Variants in TGFBR3 observed in about 807,000 individuals in gnomAD.
TGFBR3 encodes the protein transforming growth factor beta receptor type 3.
A neutral mutation model predicts 87.9 loss-of-function variants in TGFBR3; 46 were observed. The observed-to-expected ratio is 0.52, with a 90% CI of 0.41 to 0.67. The LOEUF (loss-of-function observed/expected upper bound fraction) is 0.67, where lower values mean the gene tolerates loss of function less well. TGFBR3 is among the 30% of genes least tolerant of loss of function. The pLI, the probability that TGFBR3 is intolerant of heterozygous loss-of-function variation, is 0.00. For missense variants in TGFBR3, 866 were observed against 1,041.9 expected (o/e 0.83, Z 2.32); for synonymous variants, 381 against 391.6 (o/e 0.97, Z 0.32).
intron 4 of TGFBR3, among the ~76,000 whole-genome samples, chr1:91,755,653 T>C (rs1673714695): frequency 6.6e-6 from 1 of 152,182 alleles, no homozygotes; most frequent in Non-Finnish European, 1.5e-5. Flanking sequence ...CCTTCTTTCA[T>C]TGTTAGTGTC....
chr1:91,773,608 G>C (rs1674464104), intron 3 of TGFBR3, among the ~76,000 whole-genome samples: 1 of 152,222 alleles, frequency 6.6e-6, no homozygotes, highest in Non-Finnish European at 1.5e-5. Context: ...CATGAATGCA[G>C]GAGGCAGAGG....
chr1:91,717,278 T>C (rs1023618505), intron 10 of TGFBR3, among the ~76,000 whole-genome samples: 5 of 152,220 alleles, frequency 3.3e-5, no homozygotes, highest in Admixed American at 1.3e-4. Flanking sequence ...GGACCTAATG[T>C]TTACTATGGA....
intron 2 of TGFBR3, among the ~76,000 whole-genome samples, chr1:91,825,298 T>C (rs1327429131): frequency 1.3e-5 from 2 of 152,238 alleles, no homozygotes; most frequent in African/African-American, 2.4e-5. Context: ...AAAATATTAC[T>C]TGGCCATAAA....
At chr1:91,758,792 T>C in intron 3 of TGFBR3, 42 bp from the exon 4 acceptor site, 1 of 1,613,142 alleles carries the variant, frequency 6.2e-7, no homozygotes, top group Non-Finnish European at 8.5e-7. Flanking sequence ...TAGCCCTGGC[T>C]TTCCATGAAA....
rs1385275528 is a variant in TGFBR3, at chr1:91,698,073, T to C, written c.2329+16A>G. Reference sequence around the variant, plus strand: ...CCCAGGAGGTTTTATTTCGAAATAGTTGCATAAAGACTTACGTGGAGAAAT... The same window carrying C: ...CCCAGGAGGTTTTATTTCGAAATAGCTGCATAAAGACTTACGTGGAGAAAT... On this transcript the variant is annotated intron_variant, in intron 15 of 16. Coordinates refer to ENST00000212355, the MANE Select transcript of TGFBR3 (RefSeq NM_003243.5). 13 of 1,613,104 alleles carry C rather than the reference T, an allele frequency of 8.1e-6. No individual in the cohort carries two copies. Among genetic ancestry groups the C allele is most frequent in the Non-Finnish European group, 1.1e-5 (13 of 1,179,064 alleles).
intron 2 of TGFBR3, among the ~76,000 whole-genome samples, chr1:91,831,369 A>G (rs1382772490): frequency 6.6e-6 from 1 of 152,256 alleles, no homozygotes; most frequent in Non-Finnish European, 1.5e-5. Flanking sequence ...TTAACATGGA[A>G]TAATAAACAT....
At chr1:91,869,002 C>T (rs1477420354) in intron 1 of TGFBR3, among the ~76,000 whole-genome samples, 2 of 152,152 alleles carry the variant, frequency 1.3e-5, no homozygotes, top group Non-Finnish European at 2.9e-5. Flanking sequence ...ACACTAGTGT[C>T]AATTCAGTCC....
intron 2 of TGFBR3, among the ~76,000 whole-genome samples, chr1:91,851,894 T>G (rs1376420454): frequency 6.6e-6 from 1 of 152,158 alleles, no homozygotes; most frequent in Non-Finnish European, 1.5e-5. Context: ...TTGGTAAACA[T>G]CCTCCCCTCC....
intron 2 of TGFBR3, among the ~76,000 whole-genome samples, chr1:91,841,011 A>G (rs1209462694): frequency 1.3e-5 from 2 of 152,110 alleles, no homozygotes; most frequent in Non-Finnish European, 2.9e-5. Context: ...GGGTTTCACC[A>G]TGTTGGCCAG....
At chr1:91,824,141 TATAA>T (rs570965695) in intron 2 of TGFBR3, among the ~76,000 whole-genome samples, 5 of 152,006 alleles carry the variant, frequency 3.3e-5, no homozygotes, top group Non-Finnish European at 7.4e-5. Flanking sequence ...AAAATAAATA[TATAA>T]ATAAATAAAG....
chr1:91,729,953 A>C lies in TGFBR3; in HGVS notation c.589T>G (p.Cys197Gly). 1 of 1,614,122 alleles carries C rather than the reference A, an allele frequency of 6.2e-7. No individual in the cohort carries two copies. Among genetic ancestry groups the C allele is most frequent in the Non-Finnish European group, 8.5e-7 (1 of 1,180,010 alleles). The stretch of plus-strand genomic sequence containing the variant: ...GAGAGAAAATTCTTCCCTATGTTGC[A>C]CTTTGGAGGGAACACTTGATCTGAA... Reference protein sequence around the residue: ...VGEDQVFPPKCNIGKNFLSLN... With the variant: ...VGEDQVFPPKGNIGKNFLSLN... Residue 197 changes from cysteine (C) to glycine (G), a missense_variant, in exon 6 of 17, where the codon TGC becomes GGC. Cys to Gly is a radical substitution (Grantham distance 159, BLOSUM62 -3). Coordinates refer to ENST00000212355, the MANE Select transcript of TGFBR3 (RefSeq NM_003243.5).
intron 9 of TGFBR3, 46 bp downstream of exon 9, chr1:91,719,847 G>A (rs1404051456): frequency 6.3e-7 from 1 of 1,595,578 alleles, no homozygotes. Flanking sequence ...GGGCCAGATG[G>A]GAAAGGAGGT....
intron 2 of TGFBR3, among the ~76,000 whole-genome samples, chr1:91,802,291 TGG>T (rs1252762104): frequency 6.6e-6 from 1 of 152,160 alleles, no homozygotes; most frequent in Non-Finnish European, 1.5e-5. Context: ...AACACATCCA[TGG>T]GTTCAACTCT....
At chr1:91,732,738 G>A (rs1446595852) in intron 5 of TGFBR3, among the ~76,000 whole-genome samples, 1 of 152,164 alleles carries the variant, frequency 6.6e-6, no homozygotes, top group Non-Finnish European at 1.5e-5. Flanking sequence ...TTCCGAAGGT[G>A]TTACCAAGGA....
intron 3 of TGFBR3, among the ~76,000 whole-genome samples, chr1:91,772,040 G>A (rs1221598643): frequency 4.6e-5 from 7 of 152,096 alleles, no homozygotes; most frequent in Admixed American, 2.6e-4. Context: ...TAATTCAGAC[G>A]GAGCTAAGGA....
chr1:91,733,197 C>T (rs890056518), intron 5 of TGFBR3, among the ~76,000 whole-genome samples: 4 of 152,218 alleles, frequency 2.6e-5, no homozygotes, highest in Non-Finnish European at 5.9e-5. Flanking sequence ...AGGTGGACCA[C>T]TTCCCTTTTT....
chr1:91,708,417 A>T (rs927978472), intron 14 of TGFBR3, among the ~76,000 whole-genome samples: 1 of 152,184 alleles, frequency 6.6e-6, no homozygotes, highest in African/African-American at 2.4e-5. Flanking sequence ...TATGACAGGA[A>T]CAACCTAGAC....
chr1:91,898,114 T>A (rs1570347710), intron 2 of TGFBR3, among the ~76,000 whole-genome samples: 1 of 150,884 alleles, frequency 6.6e-6, no homozygotes, highest in East Asian at 2.0e-4. Context: ...AGAAAAAAAA[T>A]TACAGATACA....
chr1:91,841,010 C>T (rs1677256189), intron 2 of TGFBR3, among the ~76,000 whole-genome samples: 1 of 152,150 alleles, frequency 6.6e-6, no homozygotes, highest in South Asian at 2.1e-4. Flanking sequence ...TGGGTTTCAC[C>T]ATGTTGGCCA....
Sources: allele counts gnomAD v4.1 joint callset (sites outside exome capture counted in the v4.1 genomes callset), GRCh38; gene constraint gnomAD v4.1.1; transcripts MANE v1.5; gene names NCBI Gene and HGNC (gene_info 2026-07-23, HGNC 2026-07-21).